The following WDR75 variants were observed in gnomAD, a reference collection of about 807,000 sequenced individuals.
The protein encoded by WDR75 is WD repeat-containing protein 75.
A neutral mutation model predicts 106.1 loss-of-function variants in WDR75; 52 were observed. The observed-to-expected ratio is 0.49, with a 90% CI of 0.39 to 0.62. The LOEUF (loss-of-function observed/expected upper bound fraction) is 0.62, where lower values mean the gene tolerates loss of function less well. WDR75 is among the 20% of genes least tolerant of loss of function. WDR75 has a pLI of 0.00. For missense variants in WDR75, 905 were observed against 970.3 expected (o/e 0.93, Z 0.89); for synonymous variants, 333 against 335.5 (o/e 0.99, Z 0.08).
chr2:189,450,625 T>G, intron 2 of WDR75: 2 of 1,222,284 alleles, frequency 1.6e-6, no homozygotes, highest in Non-Finnish European at 2.0e-6. Context: ...GTGCTTTTCA[T>G]ATCTCATTCA....
chr2:189,458,656 T>G, intron 6 of WDR75, 97 bp from the exon 7 acceptor site: 1 of 1,043,110 alleles, frequency 9.6e-7, no homozygotes, highest in East Asian at 2.9e-5. Context: ...CTCTACAATT[T>G]TGGTTGCTAT....
At chr2:189,445,402 C>T (rs940648667) in intron 1 of WDR75, among the ~76,000 whole-genome samples, 1 of 152,040 alleles carries the variant, frequency 6.6e-6, no homozygotes, top group Non-Finnish European at 1.5e-5. Context: ...TGGAGCTAAG[C>T]CCACCGTCGT....
intron 1 of WDR75, among the ~76,000 whole-genome samples, chr2:189,447,498 A>C (rs1686525610): frequency 6.6e-6 from 1 of 152,200 alleles, no homozygotes; most frequent in African/African-American, 2.4e-5. Flanking sequence ...TGAACCATGG[A>C]GATGTTGGGG....
At chr2:189,462,759 G>A in intron 9 of WDR75, 117 bp downstream of exon 9, 1 of 967,664 alleles carries the variant, frequency 1.0e-6, no homozygotes, top group Non-Finnish European at 1.5e-6. Flanking sequence ...GATTTAATGA[G>A]CCTTCTTTTC....
At chr2:189,460,269 G>A (rs920623449) in intron 8 of WDR75, among the ~76,000 whole-genome samples, 3 of 152,166 alleles carry the variant, frequency 2.0e-5, no homozygotes, top group African/African-American at 7.2e-5. Flanking sequence ...GACAGGACAA[G>A]TCTTAGATGG....
chr2:189,469,184 G>A (rs1687067210), intron 15 of WDR75, among the ~76,000 whole-genome samples, 160 bp from the exon 16 acceptor site: 1 of 151,970 alleles, frequency 6.6e-6, no homozygotes, highest in Non-Finnish European at 1.5e-5. Context: ...TTTTTCTTTC[G>A]GCCTCTCACT....
intron 15 of WDR75, 120 bp downstream of exon 15, chr2:189,468,689 T>C (rs1430255147): frequency 2.1e-6 from 2 of 941,064 alleles, no homozygotes; most frequent in Non-Finnish European, 3.2e-6. Context: ...AGTCAGTTTT[T>C]TACGTGACAT....
chr2:189,464,488 C>A (rs547198421), intron 11 of WDR75, among the ~76,000 whole-genome samples: 3 of 150,218 alleles, frequency 2.0e-5, no homozygotes, highest in Non-Finnish European at 4.4e-5. Flanking sequence ...GCCTTTAGAC[C>A]CCTCAAAAAA....
intron 1 of WDR75, 41 bp from the exon 2 acceptor site, chr2:189,448,338 A>G (rs1170773832): frequency 6.3e-7 from 1 of 1,595,056 alleles, no homozygotes; most frequent in East Asian, 2.2e-5. Context: ...AAACAGGCTA[A>G]TACAGTATGT....
At position 189,475,370 on chromosome 2, in the gene WDR75, C is replaced by T; in HGVS notation, c.2446C>T (p.Leu816=). 6.2e-7 allele frequency: 1 copy of T among 1,612,406 alleles called. No homozygotes were observed. The highest frequency in any genetic ancestry group is 8.5e-7 in the Non-Finnish European group (1 of 1,179,302). The change falls in exon 21 of 21, where the codon CTG becomes TTG. Residue 816 remains leucine (L), a synonymous_variant. Transcript: ENST00000314761. ...HQLSKSEEKE[L]RKFRKIDYSW... The stretch of plus-strand genomic sequence containing the variant: ...GTTGTCAAAATCTGAAGAAAAAGAA[C>T]TGAGAAAATTTAGGAAAATAGACTA...
rs1451953592 is a variant in WDR75, at chr2:189,459,418, G to T, written c.772G>T (p.Val258Leu). 1 of 1,611,600 alleles carries T rather than the reference G, an allele frequency of 6.2e-7. No homozygotes were observed. The highest frequency in any genetic ancestry group is 8.5e-7 in the Non-Finnish European group (1 of 1,178,918). The change falls in exon 8 of 21, where the codon GTG (valine) becomes TTG (leucine). Residue 258 changes from valine to leucine, a missense_variant. Transcript: ENST00000314761. The part of the protein sequence containing the change: ...HDMVMDLAFS[V>L]TGTSLLSGGR... ...TATGGTTATGGATTTGGCTTTTTCAGTGACAGGTAAGTGCGGGTTTAATTA... is the reference window on the plus strand; with the variant it reads ...TATGGTTATGGATTTGGCTTTTTCATTGACAGGTAAGTGCGGGTTTAATTA...
chr2:189,462,341 T>G, intron 8 of WDR75, 143 bp from the exon 9 acceptor site: 1 of 922,156 alleles, frequency 1.1e-6, no homozygotes, highest in Non-Finnish European at 1.6e-6. Flanking sequence ...CAGAGTATAT[T>G]AAAAGATACG....
chr2:189,445,496 A>G (rs541976159), intron 1 of WDR75, among the ~76,000 whole-genome samples: 5 of 152,180 alleles, frequency 3.3e-5, no homozygotes, highest in Non-Finnish European at 7.4e-5. Flanking sequence ...CTGAATCTTA[A>G]AGCAGTAGTC....
chr2:189,475,101 C>A, intron 20 of WDR75, 112 bp from the exon 21 acceptor site: 1 of 884,958 alleles, frequency 1.1e-6, no homozygotes, highest in Non-Finnish European at 1.7e-6. Context: ...TACTTAGTAA[C>A]AAAATTCTTC....
chr2:189,469,417 T>A lies in WDR75; in HGVS notation c.1797T>A (p.Ser599=). Residue 599 remains serine, a synonymous_variant, in exon 16 of 21, where the codon TCT becomes TCA. Coordinates refer to ENST00000314761, the MANE Select transcript of WDR75 (RefSeq NM_032168.3). Reference sequence around the variant, plus strand: ...ATTCAGAGAATATTGCTGCAATCTCTCAGTCTTCAGTGGGTTCAGACTGTA... The same window carrying A: ...ATTCAGAGAATATTGCTGCAATCTCACAGTCTTCAGTGGGTTCAGACTGTA... ...DPNSENIAAI[S]QSSVGSDLFV... The A allele has an allele frequency of 6.2e-7, 1 of 1,613,234 alleles. No homozygotes were observed. The highest frequency in any genetic ancestry group is 1.1e-5 in the South Asian group (1 of 91,062).
At chr2:189,450,809 T>C (rs1489777972) in intron 2 of WDR75, 94 bp from the exon 3 acceptor site, 1 of 1,554,898 alleles carries the variant, frequency 6.4e-7, no homozygotes, top group African/African-American at 1.4e-5. Flanking sequence ...AATTAATGAA[T>C]AGAAAATGCC....
At chr2:189,464,048 A>G (rs571135065) in intron 11 of WDR75, 87 bp downstream of exon 11, 16 of 1,099,288 alleles carry the variant, frequency 1.5e-5, no homozygotes, top group Non-Finnish European at 2.0e-5. Context: ...AGCTTTTAAA[A>G]CAAGATCCTG....
chr2:189,449,168 A>G, intron 2 of WDR75: 1 of 1,101,640 alleles, frequency 9.1e-7, no homozygotes, highest in Non-Finnish European at 1.2e-6. Context: ...AAGTTTCGGC[A>G]AATCTACTAA....
chr2:189,474,682 T>G, intron 19 of WDR75, 35 bp from the exon 20 acceptor site: 13 of 1,583,388 alleles, frequency 8.2e-6, no homozygotes, highest in Non-Finnish European at 1.0e-5. Flanking sequence ...AGGATAAGCT[T>G]TTTAATTGCA....
Sources: allele counts gnomAD v4.1 joint callset (sites outside exome capture counted in the v4.1 genomes callset), GRCh38; gene constraint gnomAD v4.1.1; transcripts MANE v1.5; gene names NCBI Gene and HGNC (gene_info 2026-07-23, HGNC 2026-07-21).